GRM5: variants seen among roughly 807,000 people sequenced by gnomAD.
The protein encoded by GRM5 is glutamate metabotropic receptor 5, also known as metabotropic glutamate receptor 5.
In GRM5, 19 loss-of-function variants were observed where a neutral mutation model predicts 83.1. The ratio of observed to expected loss-of-function variants is 0.23; its 90% CI spans 0.16 to 0.34. The LOEUF (loss-of-function observed/expected upper bound fraction) is 0.34, where lower values mean the gene tolerates loss of function less well. Among genes scored for constraint, GRM5 ranks in the 10% least tolerant of loss-of-function variants. The pLI is 1.00. For missense variants in GRM5, 1,160 were observed against 1,588.3 expected, an observed-to-expected ratio of 0.73 and a Z score of 4.58; for synonymous variants, 675 against 633.6, an observed-to-expected ratio of 1.07 and a Z score of -0.98.
At chr11:88,743,944 C>A (rs1942080436) in intron 3 of GRM5, among the ~76,000 whole-genome samples, 1 of 152,048 alleles carries the variant, frequency 6.6e-6, no homozygotes, top group African/African-American at 2.4e-5. Context: ...AGGCAAACAT[C>A]AAAAGCAAAA....
chr11:89,006,813 G>T (rs1377361995), intron 2 of GRM5, among the ~76,000 whole-genome samples: 1 of 151,862 alleles, frequency 6.6e-6, no homozygotes, highest in Non-Finnish European at 1.5e-5. Context: ...GTTTTGTTTT[G>T]TTTTGAGACA....
chr11:88,959,580 T>G (rs1309648594), intron 2 of GRM5, among the ~76,000 whole-genome samples: 1 of 152,312 alleles, frequency 6.6e-6, no homozygotes, highest in South Asian at 2.1e-4. Context: ...ACTAATCATC[T>G]GACAGTTATA....
chr11:88,882,939 C>T (rs973266400), intron 2 of GRM5, among the ~76,000 whole-genome samples: 10 of 152,018 alleles, frequency 6.6e-5, no homozygotes, highest in African/African-American at 2.4e-4. Flanking sequence ...GGGGAGTTTC[C>T]CTGCCTATGC....
chr11:88,728,595 C>A (rs953521954), intron 3 of GRM5, among the ~76,000 whole-genome samples: 4 of 152,182 alleles, frequency 2.6e-5, no homozygotes, highest in African/African-American at 7.2e-5. Context: ...AGGCCAGTAT[C>A]CCTGAGGAAC....
intron 3 of GRM5, among the ~76,000 whole-genome samples, chr11:88,807,627 C>T (rs1160104679): frequency 2.6e-5 from 4 of 152,048 alleles, no homozygotes; most frequent in Admixed American, 2.6e-4. Flanking sequence ...GAGAAACCTT[C>T]TAACTACAAG....
intron 2 of GRM5, among the ~76,000 whole-genome samples, chr11:88,944,768 G>A (rs1938224919): frequency 6.6e-6 from 1 of 151,748 alleles, no homozygotes; most frequent in South Asian, 2.1e-4. Context: ...TACTGAATCA[G>A]CAAAGCCTGG....
chr11:88,757,562 C>G (rs1337143572), intron 3 of GRM5, among the ~76,000 whole-genome samples: 2 of 151,812 alleles, frequency 1.3e-5, no homozygotes, highest in African/African-American at 4.9e-5. Context: ...GACTTGTGCC[C>G]ACCAGTGTCT....
chr11:88,918,395 A>G lies in GRM5; in HGVS notation c.662-68240T>C, dbSNP rs577876257. ...ATGTATACATATGTAACTAACCTGC[A>G]CATTGTGCACATGTACCCTAAAACT... is the stretch of plus-strand genomic sequence containing the variant. On this transcript the variant is annotated intron_variant, in intron 2 of 9. Coordinates refer to ENST00000305447, the MANE Select transcript of GRM5 (RefSeq NM_001143831.3). Among the ~76,000 whole-genome samples the G allele has an allele frequency of 2.6e-5, 4 of 152,108 alleles. No homozygotes were observed. In the East Asian group the frequency reaches 7.7e-4, roughly 29 times the overall value.
intron 2 of GRM5, among the ~76,000 whole-genome samples, chr11:88,973,971 A>T (rs1014648560): frequency 2.6e-5 from 4 of 152,168 alleles, no homozygotes; most frequent in Admixed American, 6.6e-5. Flanking sequence ...TGGGAGGAAG[A>T]TCAACACTTT....
chr11:88,834,633 G>A (rs565469532), intron 3 of GRM5, among the ~76,000 whole-genome samples: 1 of 152,122 alleles, frequency 6.6e-6, no homozygotes, highest in Non-Finnish European at 1.5e-5. Context: ...GGTCTTCCTT[G>A]TCTCACCACT....
chr11:88,716,937 T>G (rs971474948), intron 3 of GRM5, among the ~76,000 whole-genome samples: 1 of 152,008 alleles, frequency 6.6e-6, no homozygotes. Flanking sequence ...TTATTTGGTT[T>G]GCTTTGCACT....
At chr11:88,723,674 C>T (rs999494121) in intron 3 of GRM5, among the ~76,000 whole-genome samples, 1 of 151,870 alleles carries the variant, frequency 6.6e-6, no homozygotes. Flanking sequence ...CATTCCTTCC[C>T]CTTATCATTG....
chr11:88,714,247 A>G (rs1591460116), intron 3 of GRM5, among the ~76,000 whole-genome samples: 1 of 151,994 alleles, frequency 6.6e-6, no homozygotes, highest in East Asian at 1.9e-4. Context: ...GATACAGGCC[A>G]TGTACTGGGT....
intron 2 of GRM5, among the ~76,000 whole-genome samples, chr11:89,020,388 C>A (rs1373828870): frequency 1.3e-5 from 2 of 152,218 alleles, no homozygotes; most frequent in Non-Finnish European, 2.9e-5. Flanking sequence ...TAAGCTAAGT[C>A]ATCATCTTTC....
chr11:88,530,792 T>C (rs1445848336), intron 8 of GRM5, among the ~76,000 whole-genome samples: 1 of 152,038 alleles, frequency 6.6e-6, no homozygotes, highest in African/African-American at 2.4e-5. Context: ...AAGTAGCAGA[T>C]AGATGGAGAA....
At chr11:88,916,915 C>A (rs1483649048) in intron 2 of GRM5, among the ~76,000 whole-genome samples, 2 of 152,108 alleles carry the variant, frequency 1.3e-5, no homozygotes, top group Admixed American at 6.6e-5. Context: ...AGGGAACCTG[C>A]AGCCCTGAAA....
At chr11:88,987,249 C>T (rs899929198) in intron 2 of GRM5, among the ~76,000 whole-genome samples, 4 of 151,970 alleles carry the variant, frequency 2.6e-5, no homozygotes, top group Non-Finnish European at 4.4e-5. Flanking sequence ...AGGGGTGACC[C>T]ACGGCACCTG....
intron 2 of GRM5, among the ~76,000 whole-genome samples, chr11:88,863,653 T>A (rs1330202465): frequency 6.6e-6 from 1 of 151,762 alleles, no homozygotes; most frequent in Non-Finnish European, 1.5e-5. Flanking sequence ...CTAAAGAGCA[T>A]AAAAAACTGT....
chr11:89,043,068 T>A (rs1488073656), intron 2 of GRM5, among the ~76,000 whole-genome samples: 4 of 152,196 alleles, frequency 2.6e-5, no homozygotes, highest in African/African-American at 9.6e-5. Flanking sequence ...AGGGAGTCAT[T>A]TTGACACCTC....
Sources: allele counts gnomAD v4.1 joint callset (sites outside exome capture counted in the v4.1 genomes callset), GRCh38; gene constraint gnomAD v4.1.1; transcripts MANE v1.5; gene names NCBI Gene and HGNC (gene_info 2026-07-23, HGNC 2026-07-21).